The following ZMAT4 variants were observed in gnomAD, a reference collection of about 807,000 sequenced individuals.
ZMAT4 encodes zinc finger matrin-type protein 4.
ZMAT4 carries 17 observed loss-of-function variants against 28.7 expected under a neutral mutation model. The observed-to-expected ratio is 0.59, with a 90% confidence interval of 0.41 to 0.89. ZMAT4 has a LOEUF of 0.89. Among genes scored for constraint, ZMAT4 ranks in the 40% least tolerant of loss-of-function variants. The probability of loss-of-function intolerance (pLI) is 0.00; values close to 1 mark genes in which losing one functional copy is unlikely to be tolerated. For missense variants in ZMAT4, 240 were observed against 283.8 expected, an observed-to-expected ratio of 0.85 and a Z score of 1.11; for synonymous variants, 117 against 109.2, an observed-to-expected ratio of 1.07 and a Z score of -0.44.
rs528916653 is a variant in ZMAT4, at chr8:40,550,552, G to A, written c.675-18314C>T. Among the ~76,000 whole-genome samples the A allele has an allele frequency of 6.6e-5, 10 of 152,290 alleles. 1 individual carries two copies. The South Asian group carries it at 2.1e-3, about 32-fold the overall frequency. ...ATTGTAATCCTCATATTCCCCACAT[G>A]TCAAGGGTGGGACCAGCTGAAGGTA... On this transcript the variant is annotated intron_variant, in intron 6 of 6. Coordinates refer to ENST00000297737, the MANE Select transcript of ZMAT4 (RefSeq NM_024645.3).
At chr8:40,575,632 A>G (rs1008723900) in intron 6 of ZMAT4, among the ~76,000 whole-genome samples, 3 of 151,752 alleles carry the variant, frequency 2.0e-5, no homozygotes, top group Non-Finnish European at 2.9e-5. Context: ...ACTCTATTCT[A>G]CTGAGACTCT....
At chr8:40,783,786 G>A (rs1813943828) in intron 2 of ZMAT4, among the ~76,000 whole-genome samples, 3 of 152,056 alleles carry the variant, frequency 2.0e-5, no homozygotes, top group Non-Finnish European at 4.4e-5. Flanking sequence ...CGAGGTGGGC[G>A]GATCACCTGA....
intron 2 of ZMAT4, among the ~76,000 whole-genome samples, chr8:40,774,361 T>C (rs981241556): frequency 1.3e-5 from 2 of 152,202 alleles, no homozygotes; most frequent in African/African-American, 4.8e-5. Context: ...TTACAAAATA[T>C]ATATATCCAT....
intron 1 of ZMAT4, among the ~76,000 whole-genome samples, chr8:40,871,736 C>G (rs951173179): frequency 1.4e-4 from 22 of 152,198 alleles, no homozygotes; most frequent in African/African-American, 4.8e-4. Flanking sequence ...CCTTCATTGA[C>G]AGCATGCACA....
At chr8:40,709,629 G>C (rs548684900) in intron 3 of ZMAT4, among the ~76,000 whole-genome samples, 61 of 152,340 alleles carry the variant, frequency 4.0e-4, no homozygotes, top group African/African-American at 1.3e-3. Context: ...GACCCAGTGA[G>C]AAAACAGGCC....
chr8:40,649,058 A>T (rs926314250), intron 5 of ZMAT4, among the ~76,000 whole-genome samples: 1 of 150,468 alleles, frequency 6.6e-6, no homozygotes, highest in East Asian at 2.0e-4. Context: ...TGACAGGATC[A>T]AATTCATATA....
At chr8:40,732,633 C>T (rs919432978) in intron 3 of ZMAT4, among the ~76,000 whole-genome samples, 5 of 152,140 alleles carry the variant, frequency 3.3e-5, no homozygotes, top group Admixed American at 2.6e-4. Flanking sequence ...TCCAAAATAT[C>T]CACAGGTCCA....
In ZMAT4 at chr8:40,718,921, T is replaced by C. The variant is rs185610660; in HGVS notation, c.193-21520A>G. Among the ~76,000 whole-genome samples, 10 of 152,310 alleles carry C rather than the reference T, an allele frequency of 6.6e-5. No homozygotes were observed. In the East Asian group the frequency reaches 1.7e-3, roughly 26 times the overall value. On this transcript the variant is annotated intron_variant, in intron 3 of 6. Coordinates refer to ENST00000297737, the MANE Select transcript of ZMAT4 (RefSeq NM_024645.3). The stretch of plus-strand genomic sequence containing the variant: ...CTAAATTTCTGACATATATACACTT[T>C]CCAAGGTTCCCCTGTGGCACTGACC...
At chr8:40,532,394 T>G (rs1802718332) in intron 6 of ZMAT4, among the ~76,000 whole-genome samples, 156 bp from the exon 7 acceptor site, 1 of 91,408 alleles carries the variant, frequency 1.1e-5, no homozygotes, top group Non-Finnish European at 2.1e-5. Context: ...ATCTTTCAGG[T>G]TCTAAATAAC....
rs529110835 is a variant in ZMAT4 at position 40,561,931 on chromosome 8, T to C, written c.674+19234A>G. 3.9e-4 allele frequency among the ~76,000 whole-genome samples: 60 copies of C among 152,294 alleles called. No homozygotes were observed. The South Asian group carries it at 0.012, about 31-fold the overall frequency. On this transcript the variant is annotated intron_variant, in intron 6 of 6. Transcript: ENST00000297737. ...TGTTATAAATCCATGTGTGAGTGTA[T>C]GTCTGTGTGTAAGAGAGAAAAAGAG...
At position 40,685,147 on chromosome 8, in the gene ZMAT4, A is replaced by G. The variant is rs544816636; in HGVS notation, c.350-10216T>C. Among the ~76,000 whole-genome samples, 3 of 152,228 alleles carry G rather than the reference A, an allele frequency of 2.0e-5. No homozygotes were observed. The South Asian group carries it at 6.2e-4, about 32-fold the overall frequency. On this transcript the variant is annotated intron_variant, in intron 4 of 6. Coordinates refer to ENST00000297737, the MANE Select transcript of ZMAT4 (RefSeq NM_024645.3). ...GGGAACTGCTGTTCTGAGTCAGTCT[A>G]TGAAATCAAAAGCAACTCTAGAATT... is the stretch of plus-strand genomic sequence containing the variant.
At chr8:40,672,768 C>G (rs1808732308) in intron 5 of ZMAT4, among the ~76,000 whole-genome samples, 1 of 152,140 alleles carries the variant, frequency 6.6e-6, no homozygotes, top group Non-Finnish European at 1.5e-5. Flanking sequence ...TGTTATCTGC[C>G]AGTAACACAG....
At chr8:40,873,950 C>G (rs1456710954) in intron 1 of ZMAT4, among the ~76,000 whole-genome samples, 1 of 152,116 alleles carries the variant, frequency 6.6e-6, no homozygotes, top group Non-Finnish European at 1.5e-5. Flanking sequence ...CTGTTCAACT[C>G]TCACCACAAT....
At chr8:40,804,362 C>A (rs1042608401) in intron 2 of ZMAT4, among the ~76,000 whole-genome samples, 4 of 152,036 alleles carry the variant, frequency 2.6e-5, no homozygotes, top group African/African-American at 9.7e-5. Flanking sequence ...ATCTTTATAC[C>A]TTTCAGTCAA....
At position 40,601,641 on chromosome 8, in the gene ZMAT4, A is replaced by C. The variant is rs1402902969; in HGVS notation, c.578-20380T>G. Among the ~76,000 whole-genome samples, 19 of 32,424 alleles carry C rather than the reference A, an allele frequency of 5.9e-4. 3 individuals are homozygous for C. The highest frequency in any genetic ancestry group is 2.3e-3 in the South Asian group (2 of 886). The allele number at this position is 32,424 out of a possible 152,430, so 21.3% of individuals were successfully genotyped here. On this transcript the variant is annotated intron_variant, in intron 5 of 6. Coordinates refer to ENST00000297737, the MANE Select transcript of ZMAT4 (RefSeq NM_024645.3). ...AAGAAAGAAAGAAAGAAAGAGAAAG[A>C]AAGAAAGAAAGAAAGAAAGAAAGAA...
At chr8:40,705,648 A>T (rs1383446385) in intron 3 of ZMAT4, among the ~76,000 whole-genome samples, 1 of 152,238 alleles carries the variant, frequency 6.6e-6, no homozygotes, top group African/African-American at 2.4e-5. Flanking sequence ...TATGCATTTG[A>T]AGCATATATA....
intron 1 of ZMAT4, among the ~76,000 whole-genome samples, chr8:40,866,124 A>G (rs1417053903): frequency 6.6e-6 from 1 of 152,224 alleles, no homozygotes; most frequent in Non-Finnish European, 1.5e-5. Context: ...AAGGGCCCCT[A>G]GAAAGAAAGT....
chr8:40,562,158 T>C (rs1390828855), intron 6 of ZMAT4, among the ~76,000 whole-genome samples: 1 of 152,232 alleles, frequency 6.6e-6, no homozygotes, highest in Non-Finnish European at 1.5e-5. Flanking sequence ...ATATCAGGTC[T>C]GCTTTCCAAG....
At chr8:40,630,117 T>C (rs1467254991) in intron 5 of ZMAT4, among the ~76,000 whole-genome samples, 4 of 152,218 alleles carry the variant, frequency 2.6e-5, no homozygotes, top group African/African-American at 7.2e-5. Flanking sequence ...CTACCTGAAA[T>C]GTCCAACCCT....
Sources: gnomAD v4.1 joint callset for allele counts (sites outside exome capture counted in the v4.1 genomes callset) on GRCh38, gnomAD v4.1.1 for gene constraint, MANE v1.5 for transcripts, NCBI Gene and HGNC (gene_info 2026-07-23, HGNC 2026-07-21) for gene names.